ZSCAN25: variants seen among roughly 807,000 people sequenced by gnomAD.
ZSCAN25 encodes zinc finger and SCAN domain containing 25.
A neutral mutation model predicts 38.7 loss-of-function variants in ZSCAN25; 27 were observed. The observed-to-expected ratio is 0.70, with a 90% CI of 0.51 to 0.96. The LOEUF is 0.96. Ranked by LOEUF, ZSCAN25 falls within the 40% of genes least tolerant of loss-of-function variation. ZSCAN25 has a pLI of 0.00. For synonymous variants in ZSCAN25, 273 were observed against 277.7 expected, an observed-to-expected ratio of 0.98 and a Z score of 0.17; for missense variants, 637 against 705.9, an observed-to-expected ratio of 0.90 and a Z score of 1.11.
chr7:99,701,422 G>A, the ZSCAN25 span, among the ~76,000 whole-genome samples: 1 of 152,208 alleles, frequency 6.6e-6, no homozygotes, highest in Non-Finnish European at 1.5e-5. Flanking sequence ...ACATGGGAAT[G>A]AAGATATCTC....
intron 6 of ZSCAN25, 81 bp downstream of exon 6, chr7:99,622,721 A>C: frequency 7.4e-7 from 1 of 1,346,102 alleles, no homozygotes; most frequent in Non-Finnish European, 1.0e-6. Context: ...TCTGCACAAC[A>C]GTGTTCCCTT....
chr7:99,680,025 A>T, the ZSCAN25 span: 2 of 798,066 alleles, frequency 2.5e-6, no homozygotes, highest in East Asian at 5.0e-5. Flanking sequence ...TGAAAGATTT[A>T]TGTGCTGGAG....
the ZSCAN25 span, among the ~76,000 whole-genome samples, chr7:99,651,498 A>C: frequency 6.6e-6 from 1 of 152,068 alleles, no homozygotes; most frequent in Non-Finnish European, 1.5e-5. Context: ...GAAACATAGA[A>C]GTCCTCTACT....
chr7:99,717,262 C>T, the ZSCAN25 span: 1 of 1,613,930 alleles, frequency 6.2e-7, no homozygotes, highest in Non-Finnish European at 8.5e-7. Context: ...ATGATAGGGA[C>T]CATCTAAGCA....
the ZSCAN25 span, among the ~76,000 whole-genome samples, chr7:99,657,780 A>G: frequency 6.6e-6 from 1 of 152,182 alleles, no homozygotes; most frequent in African/African-American, 2.4e-5. Context: ...TATTGGGTGC[A>G]TATATATTTA....
At position 99,630,451 on chromosome 7, in the gene ZSCAN25, T is replaced by C. The variant is rs73408528; in HGVS notation, c.*431T>C. ...CTCTCTTTTCCATTGAACAAACATT[T>C]ATTGAACATCCTCTGAGCACCTGGC... On this transcript the variant is annotated 3_prime_UTR_variant, in exon 8 of 8. Transcript: ENST00000394152. 3,967 of 1,002,312 alleles carry C rather than the reference T, an allele frequency of 4.0e-3. 111 individuals carry two copies. The African/African-American group carries it at 0.06, about 15-fold the overall frequency. 62.1% of individuals were successfully genotyped at this position (1,002,312 alleles called of 1,614,324 possible).
chr7:99,737,671 T>A, the ZSCAN25 span, among the ~76,000 whole-genome samples: 1 of 152,218 alleles, frequency 6.6e-6, no homozygotes, highest in African/African-American at 2.4e-5. Context: ...TCTAAAACAC[T>A]TACTTGGCTA....
chr7:99,722,565 G>A, the ZSCAN25 span, among the ~76,000 whole-genome samples: 2 of 152,090 alleles, frequency 1.3e-5, no homozygotes, highest in Middle Eastern at 3.2e-3. Flanking sequence ...AAGTGTTGTC[G>A]ATACTGAATG....
chr7:99,663,400 G>T, the ZSCAN25 span: 1 of 990,898 alleles, frequency 1.0e-6, no homozygotes, highest in Non-Finnish European at 1.2e-6. Context: ...CTGACCTGCA[G>T]ACATCCTTCG....
chr7:99,628,996 AT>A (rs1452239855), intron 7 of ZSCAN25, among the ~76,000 whole-genome samples, 194 bp from the exon 8 acceptor site: 2 of 152,204 alleles, frequency 1.3e-5, no homozygotes, highest in African/African-American at 4.8e-5. Flanking sequence ...GGGCACTGGA[AT>A]TTGGCAGACT....
the ZSCAN25 span, chr7:99,672,587 T>A: frequency 2.5e-6 from 4 of 1,613,348 alleles, no homozygotes; most frequent in African/African-American, 5.3e-5. Flanking sequence ...TACCCTTCGA[T>A]TTGTGAAGAC....
the ZSCAN25 span, among the ~76,000 whole-genome samples, chr7:99,692,843 C>T: frequency 5.3e-5 from 8 of 152,246 alleles, no homozygotes; most frequent in African/African-American, 1.7e-4. Flanking sequence ...TTAGAACATG[C>T]TCCTTTAGCT....
At chr7:99,675,600 C>T in the ZSCAN25 span, among the ~76,000 whole-genome samples, 1 of 135,392 alleles carries the variant, frequency 7.4e-6, no homozygotes, top group African/African-American at 2.7e-5. Context: ...ACACCTTTTC[C>T]TCTCCTCTCC....
chr7:99,684,388 G>A, the ZSCAN25 span, among the ~76,000 whole-genome samples: 6 of 152,054 alleles, frequency 3.9e-5, no homozygotes, highest in Non-Finnish European at 8.8e-5. Flanking sequence ...GGCTGGTCTC[G>A]AACTCCTGAC....
Position 99,629,197 on chromosome 7 carries a change from G to A in ZSCAN25, c.812G>A (p.Gly271Glu), listed in dbSNP as rs372712542. The A allele has an allele frequency of 1.9e-6, 3 of 1,607,800 alleles. No homozygotes were observed. The African/African-American group carries it at 4.0e-5, about 22-fold the overall frequency. The change falls in exon 8 of 8, where the codon GGG becomes GAG. Residue 271 changes from glycine to glutamate, a missense_variant. By Grantham distance (98) the Gly-to-Glu change is moderately conservative (BLOSUM62 -2). Transcript: ENST00000394152. The surrounding 1 kb of genome is among the most constrained non-coding windows in gnomAD (Gnocchi z 5.6). ...ATCTCCTCCTGTCCTGTAGGCGGTG[G>A]GAGCAAGGAAAAGGAGGCAAAACCC... The part of the protein sequence containing the change: ...PQDCRVSPGG[G>E]SKEKEAKPPQ...
chr7:99,692,090 G>A, the ZSCAN25 span, among the ~76,000 whole-genome samples: 2 of 152,264 alleles, frequency 1.3e-5, no homozygotes, highest in East Asian at 1.9e-4. Flanking sequence ...GGCAGGCCTG[G>A]TGGTGACAAA....
At chr7:99,637,442 GA>G in the ZSCAN25 span, among the ~76,000 whole-genome samples, 967 of 151,170 alleles carry the variant, frequency 6.4e-3, 11 homozygotes, top group African/African-American at 0.022. Context: ...CTTTGCAGTG[GA>G]AAAAAAAAGT....
chr7:99,733,607 C>T, the ZSCAN25 span, among the ~76,000 whole-genome samples: 1 of 152,308 alleles, frequency 6.6e-6, no homozygotes, highest in Non-Finnish European at 1.5e-5. Flanking sequence ...CAGCCACACA[C>T]AGAGTGACAC....
the ZSCAN25 span, among the ~76,000 whole-genome samples, chr7:99,683,326 GTA>G: frequency 6.6e-6 from 1 of 152,126 alleles, no homozygotes; most frequent in Non-Finnish European, 1.5e-5. Context: ...GAAGTAGGGA[GTA>G]TATGTTTTTT....
Sources: gnomAD v4.1 joint callset for allele counts (sites outside exome capture counted in the v4.1 genomes callset) on GRCh38, gnomAD v4.1.1 for gene constraint, Gnocchi (gnomAD v3.1) non-coding constraint, MANE v1.5 for transcripts, NCBI Gene and HGNC (gene_info 2026-07-23, HGNC 2026-07-21) for gene names.